PCDH7: variants seen among roughly 807,000 people sequenced by gnomAD.
The protein encoded by PCDH7 is protocadherin-7.
A neutral mutation model predicts 58.9 loss-of-function variants in PCDH7; 17 were observed. That is an observed-to-expected ratio of 0.29 (90% CI 0.20 to 0.43). The LOEUF is 0.43. Ranked by LOEUF, PCDH7 falls within the 20% of genes least tolerant of loss-of-function variation. PCDH7 has a pLI of 1.00. For synonymous variants in PCDH7, 664 were observed against 616.4 expected, an observed-to-expected ratio of 1.08 and a Z score of -1.14; for missense variants, 1,274 against 1,441.0, an observed-to-expected ratio of 0.88 and a Z score of 1.88.
At chr4:31,130,660 T>G (rs1718868964) in intron 3 of PCDH7, among the ~76,000 whole-genome samples, 1 of 152,222 alleles carries the variant, frequency 6.6e-6, no homozygotes, top group Non-Finnish European at 1.5e-5. Flanking sequence ...TCAGCAAAGC[T>G]GTATTCCCTT....
intron 1 of PCDH7, among the ~76,000 whole-genome samples, chr4:30,743,665 A>G (rs578137623): frequency 1.3e-5 from 2 of 152,230 alleles, no homozygotes; most frequent in East Asian, 3.9e-4. Flanking sequence ...AAAATCCTAC[A>G]GAATAAAACA....
Position 30,747,383 on chromosome 4 carries a change from A to G in PCDH7, c.70+22787A>G, listed in dbSNP as rs140177175. Among the ~76,000 whole-genome samples the G allele has an allele frequency of 3.7e-3, 559 of 151,980 alleles. 2 individuals are homozygous for G. The highest frequency in any genetic ancestry group is 0.013 in the African/African-American group (535 of 41,442). The stretch of plus-strand genomic sequence containing the variant: ...GTGTCCGAAAACAACAAACTTTTTT[A>G]TTTTAAATGGCTCTTACGGTCAAAA... On this transcript the variant is annotated intron_variant, in intron 1 of 3. Transcript: ENST00000509759.
At chr4:30,933,754 G>A (rs1004236282) in intron 2 of PCDH7, among the ~76,000 whole-genome samples, 2 of 152,074 alleles carry the variant, frequency 1.3e-5, no homozygotes, top group Admixed American at 6.6e-5. Context: ...ACTCACAACT[G>A]TGTGCATAAG....
intron 1 of PCDH7, among the ~76,000 whole-genome samples, chr4:30,894,554 CACACAT>C (rs1301375425): frequency 2.1e-4 from 22 of 103,890 alleles, no homozygotes; most frequent in African/African-American, 4.0e-4. Context: ...CACACACACA[CACACAT>C]ATATACATAT....
chr4:30,742,442 T>A (rs1045782233), intron 1 of PCDH7, among the ~76,000 whole-genome samples: 5 of 152,252 alleles, frequency 3.3e-5, no homozygotes, highest in Non-Finnish European at 5.9e-5. Context: ...AGAACAGACA[T>A]GGCTTCGAAA....
In PCDH7 at chr4:30,902,022, G is replaced by A. The variant is rs140766522; in HGVS notation, c.71-18131G>A. 1.7e-3 allele frequency among the ~76,000 whole-genome samples: 263 copies of A among 152,152 alleles called. 2 individuals are homozygous for A. The highest frequency in any genetic ancestry group is 5.9e-3 in the African/African-American group (244 of 41,518). On this transcript the variant is annotated intron_variant, in intron 1 of 3. Transcript: ENST00000509759. ...TAACTGTGGGCAAGTTTCCTCCACG[G>A]GCATTGGTTTTCTTCTCTATAAAAT... is the stretch of plus-strand genomic sequence containing the variant.
At chr4:30,944,584 A>G (rs925713554) in intron 2 of PCDH7, among the ~76,000 whole-genome samples, 4 of 152,134 alleles carry the variant, frequency 2.6e-5, no homozygotes, top group African/African-American at 9.6e-5. Context: ...TGAATAATCA[A>G]ACTAATAAAC....
At chr4:30,991,180 C>T (rs370292632) in intron 3 of PCDH7, among the ~76,000 whole-genome samples, 56 of 152,306 alleles carry the variant, frequency 3.7e-4, no homozygotes, top group Non-Finnish European at 4.3e-4. Context: ...AGACTCAAGT[C>T]ACCATGGAAA....
chr4:30,744,882 G>A (rs374523446), intron 1 of PCDH7, among the ~76,000 whole-genome samples: 63 of 152,230 alleles, frequency 4.1e-4, no homozygotes, highest in East Asian at 3.7e-3. Context: ...ATTCCCATTA[G>A]CTTCACTGTA....
intron 3 of PCDH7, among the ~76,000 whole-genome samples, chr4:30,980,659 G>GA (rs956826443): frequency 4.0e-5 from 6 of 151,638 alleles, no homozygotes; most frequent in Non-Finnish European, 8.8e-5. Context: ...TGTTGAGTGA[G>GA]AAAAAAAATC....
chr4:30,752,974 C>T (rs1021032835), intron 1 of PCDH7, among the ~76,000 whole-genome samples: 3 of 151,988 alleles, frequency 2.0e-5, no homozygotes, highest in African/African-American at 4.8e-5. Context: ...GACTTCAACA[C>T]GGAAGCATTT....
intron 1 of PCDH7, among the ~76,000 whole-genome samples, chr4:30,772,486 T>C (rs931810119): frequency 7.2e-5 from 11 of 152,198 alleles, no homozygotes; most frequent in Admixed American, 3.9e-4. Flanking sequence ...ATTAGCCTGT[T>C]ATATGCCTGT....
intron 3 of PCDH7, among the ~76,000 whole-genome samples, chr4:31,077,170 G>A (rs190541808): frequency 5.9e-5 from 9 of 152,162 alleles, no homozygotes; most frequent in Admixed American, 5.9e-4. Flanking sequence ...CAGCACTTTG[G>A]GAGGCCGAGG....
chr4:30,920,719 A>C (rs761867739), intron 2 of PCDH7, among the ~76,000 whole-genome samples: 24 of 152,184 alleles, frequency 1.6e-4, no homozygotes, highest in Non-Finnish European at 3.2e-4. Flanking sequence ...CATTTTTGTC[A>C]TGCAACTATT....
chr4:30,893,233 A>G (rs970493770), intron 1 of PCDH7, among the ~76,000 whole-genome samples: 1 of 152,098 alleles, frequency 6.6e-6, no homozygotes, highest in East Asian at 1.9e-4. Context: ...ATATTTCTTT[A>G]ACCGTTAAAA....
chr4:30,942,364 A>G (rs971160928), intron 2 of PCDH7, among the ~76,000 whole-genome samples: 1 of 152,016 alleles, frequency 6.6e-6, no homozygotes, highest in Non-Finnish European at 1.5e-5. Context: ...CGAATCCTAA[A>G]TTCTTTATAG....
chr4:30,948,147 G>T (rs1042024923), intron 2 of PCDH7, among the ~76,000 whole-genome samples: 1 of 151,616 alleles, frequency 6.6e-6, no homozygotes, highest in Admixed American at 6.6e-5. Context: ...ACTTTTTATA[G>T]TTTCTCATAA....
intron 1 of PCDH7, among the ~76,000 whole-genome samples, chr4:30,871,502 G>C (rs956661336): frequency 7.2e-5 from 11 of 152,012 alleles, no homozygotes; most frequent in Non-Finnish European, 8.8e-5. Flanking sequence ...TAAGCCAATG[G>C]GGGCAGGGAA....
At chr4:31,124,208 C>G (rs1208864206) in intron 3 of PCDH7, among the ~76,000 whole-genome samples, 3 of 152,152 alleles carry the variant, frequency 2.0e-5, no homozygotes, top group African/African-American at 7.2e-5. Context: ...TGCCTGCCTC[C>G]TGTCTATATC....
Sources: gnomAD v4.1 joint callset for allele counts (sites outside exome capture counted in the v4.1 genomes callset) on GRCh38, gnomAD v4.1.1 for gene constraint, MANE v1.5 for transcripts, NCBI Gene and HGNC (gene_info 2026-07-23, HGNC 2026-07-21) for gene names.